PSAT1: variants seen among roughly 807,000 people sequenced by gnomAD.
PSAT1 encodes phosphoserine aminotransferase.
Under a neutral mutation model 40.3 loss-of-function variants are expected in PSAT1, and 41 were observed. The observed-to-expected ratio is 1.02, with a 90% confidence interval of 0.79 to 1.32. The LOEUF (loss-of-function observed/expected upper bound fraction) is 1.32. Among genes scored for constraint, PSAT1 ranks in the 40% most tolerant of loss-of-function variants. PSAT1 has a pLI of 0.00. For missense variants in PSAT1, 406 were observed against 455.8 expected, an observed-to-expected ratio of 0.89 and a Z score of 0.99; for synonymous variants, 147 against 170.5, an observed-to-expected ratio of 0.86 and a Z score of 1.07.
chr9:78,309,272 T>G (rs1168151983), intron 6 of PSAT1, among the ~76,000 whole-genome samples: 1 of 152,248 alleles, frequency 6.6e-6, no homozygotes, highest in African/African-American at 2.4e-5. Flanking sequence ...TTTCAAAAGC[T>G]GGGCCTCCCC....
chr9:78,299,754 G>A (rs1828081183), intron 1 of PSAT1, among the ~76,000 whole-genome samples: 1 of 151,968 alleles, frequency 6.6e-6, no homozygotes, highest in African/African-American at 2.4e-5. Flanking sequence ...CTCATGATCT[G>A]CCCGCCTTGG....
intron 7 of PSAT1, among the ~76,000 whole-genome samples, chr9:78,325,405 C>T (rs1317075126): frequency 6.6e-6 from 1 of 152,244 alleles, no homozygotes; most frequent in Non-Finnish European, 1.5e-5. Context: ...CAGTTCCCAG[C>T]AGGGCACTCC....
chr9:78,328,626 A>T (rs200845442), intron 8 of PSAT1, among the ~76,000 whole-genome samples: 1 of 54,936 alleles, frequency 1.8e-5, no homozygotes, highest in African/African-American at 2.7e-4. Context: ...ACATGAGAAT[A>T]GCCCAGCCCC....
chr9:78,315,270 G>A lies in PSAT1; in HGVS notation c.741-2406G>A, dbSNP rs75646838. 1.3e-3 allele frequency among the ~76,000 whole-genome samples: 201 copies of A among 152,312 alleles called. 1 individual carries two copies. The highest frequency in any genetic ancestry group is 4.5e-3 in the African/African-American group (186 of 41,576). ...AGCTTGCATTCTTGGAGTCAGACAG[G>A]CTAGAGTTGGAGTCCTGGCTTTAAG... On this transcript the variant is annotated intron_variant, in intron 6 of 8. Transcript: ENST00000376588.
intron 1 of PSAT1, among the ~76,000 whole-genome samples, chr9:78,297,662 G>T (rs938125823): frequency 6.6e-5 from 10 of 152,220 alleles, no homozygotes; most frequent in Non-Finnish European, 1.3e-4. Flanking sequence ...TTCGCCTCGC[G>T]CAGCTGTGCG....
rs543306086 is a variant in PSAT1, at chr9:78,328,322, A to G, written c.1007+134A>G. The G allele has an allele frequency of 3.1e-3, 3,178 of 1,035,768 alleles. 4 individuals are homozygous for G. The highest frequency in any genetic ancestry group is 4.0e-3 in the Non-Finnish European group (2,754 of 686,458). 64.2% of individuals were successfully genotyped at this position (1,035,768 alleles called of 1,614,324 possible). On this transcript the variant is annotated intron_variant, in intron 8 of 8. Coordinates refer to ENST00000376588, the MANE Select transcript of PSAT1 (RefSeq NM_058179.4). ...AATTTGTTGGGCCAACCCAGCTGTT[A>G]TAAGGATGTGCCTTCTTCCTGTTGT...
At chr9:78,320,336 C>CCA (rs57404909) in intron 7 of PSAT1, among the ~76,000 whole-genome samples, 3,154 of 149,380 alleles carry the variant, frequency 0.021, 118 homozygotes, top group African/African-American at 0.074. Flanking sequence ...ATCCATCCAT[C>CCA]TATCCATCCA....
At chr9:78,310,833 C>G (rs185543327) in intron 6 of PSAT1, among the ~76,000 whole-genome samples, 51 of 152,274 alleles carry the variant, frequency 3.3e-4, no homozygotes, top group African/African-American at 1.2e-3. Context: ...CTCTCAAACT[C>G]CTGACCTCAG....
At chr9:78,317,884 G>A in intron 7 of PSAT1, 80 bp downstream of exon 7, 2 of 1,477,460 alleles carry the variant, frequency 1.4e-6, no homozygotes, top group Admixed American at 3.4e-5. Flanking sequence ...TTGAAAAGTG[G>A]ACATATTCAC....
At chr9:78,327,287 G>A (rs1828515373) in intron 7 of PSAT1, among the ~76,000 whole-genome samples, 1 of 152,042 alleles carries the variant, frequency 6.6e-6, no homozygotes, top group Non-Finnish European at 1.5e-5. Context: ...AAGAGAGCGG[G>A]AGGAGAGGCT....
At chr9:78,308,691 C>T in intron 6 of PSAT1, 108 bp downstream of exon 6, 1 of 1,337,316 alleles carries the variant, frequency 7.5e-7, no homozygotes, top group African/African-American at 1.4e-5. Flanking sequence ...CGCGGTGGCT[C>T]ACACCTGTAA....
At chr9:78,309,360 G>T (rs1239316723) in intron 6 of PSAT1, among the ~76,000 whole-genome samples, 3 of 152,066 alleles carry the variant, frequency 2.0e-5, no homozygotes, top group Non-Finnish European at 4.4e-5. Flanking sequence ...TACCTTTCTG[G>T]GTTTTGTTGT....
At chr9:78,303,944 C>A (rs1485068132) in intron 3 of PSAT1, among the ~76,000 whole-genome samples, 1 of 152,128 alleles carries the variant, frequency 6.6e-6, no homozygotes, top group African/African-American at 2.4e-5. Context: ...CCATTCTCAT[C>A]ATTATCTTAC....
At position 78,301,699 on chromosome 9, in the gene PSAT1, G is replaced by A. The variant is rs7855063; in HGVS notation, c.122-255G>A. 0.66 allele frequency among the ~76,000 whole-genome samples: 99,913 copies of A among 152,048 alleles called. 32,880 individuals carry two copies. The highest frequency in any genetic ancestry group is 0.71 in the Admixed American group (10,887 of 15,268). On this transcript the variant is annotated intron_variant, in intron 2 of 8. Coordinates refer to ENST00000376588, the MANE Select transcript of PSAT1 (RefSeq NM_058179.4). Reference sequence around the variant, plus strand: ...ATCACAGAGAGCATCACGGAGTGATGAATTAATAAATAACTTGCTCAGTGA... The same window carrying A: ...ATCACAGAGAGCATCACGGAGTGATAAATTAATAAATAACTTGCTCAGTGA...
At chr9:78,318,518 T>C (rs1442196898) in intron 7 of PSAT1, among the ~76,000 whole-genome samples, 2 of 152,176 alleles carry the variant, frequency 1.3e-5, no homozygotes, top group South Asian at 2.1e-4. Flanking sequence ...AAAATCAAAA[T>C]GTCAGCAGGG....
chr9:78,301,286 A>T lies in PSAT1; in HGVS notation c.121+624A>T, dbSNP rs1475144592. Among the ~76,000 whole-genome samples, 2 of 152,320 alleles carry T rather than the reference A, an allele frequency of 1.3e-5. 1 individual carries two copies. The highest frequency in any genetic ancestry group is 4.1e-4 in the South Asian group (2 of 4,820). Reference sequence around the variant, plus strand: ...TGTATATTTGCATAACAGTGCCTCCAAACATTTATAATATTGCTTTACATT... The same window carrying T: ...TGTATATTTGCATAACAGTGCCTCCTAACATTTATAATATTGCTTTACATT... On this transcript the variant is annotated intron_variant, in intron 2 of 8. Coordinates refer to ENST00000376588, the MANE Select transcript of PSAT1 (RefSeq NM_058179.4).
At chr9:78,316,910 A>G (rs1160174050) in intron 6 of PSAT1, among the ~76,000 whole-genome samples, 2 of 151,130 alleles carry the variant, frequency 1.3e-5, no homozygotes, top group Admixed American at 1.3e-4. Flanking sequence ...AGGCCAAACA[A>G]CAGGCACACA....
At position 78,316,191 on chromosome 9, in the gene PSAT1, G is replaced by T. The variant is rs554174866; in HGVS notation, c.741-1485G>T. On this transcript the variant is annotated intron_variant, in intron 6 of 8. Coordinates refer to ENST00000376588, the MANE Select transcript of PSAT1 (RefSeq NM_058179.4). ...TTGAAGGGACTACTGACTGCCATTT[G>T]TGTGGCCCACCTGCCACGTGCCAGG... Among the ~76,000 whole-genome samples, 107 of 152,342 alleles carry T rather than the reference G, an allele frequency of 7.0e-4. 1 individual carries two copies. In the Middle Eastern group the frequency reaches 0.01, roughly 15 times the overall value.
intron 2 of PSAT1, among the ~76,000 whole-genome samples, chr9:78,301,664 G>A (rs1299871357): frequency 1.3e-5 from 2 of 152,152 alleles, no homozygotes; most frequent in African/African-American, 4.8e-5. Context: ...AGAAAGAGAT[G>A]GTAAGAAGAA....
Sources: allele counts gnomAD v4.1 joint callset (sites outside exome capture counted in the v4.1 genomes callset), GRCh38; gene constraint gnomAD v4.1.1; transcripts MANE v1.5; gene names NCBI Gene and HGNC (gene_info 2026-07-23, HGNC 2026-07-21).